The following SFSWAP variants were observed in gnomAD, a reference collection of about 807,000 sequenced individuals.
The protein encoded by SFSWAP is splicing factor, suppressor of white-apricot homolog.
Under a neutral mutation model 100.7 loss-of-function variants are expected in SFSWAP, and 17 were observed. The observed-to-expected ratio is 0.17, with a 90% confidence interval of 0.12 to 0.25. The LOEUF (loss-of-function observed/expected upper bound fraction) is 0.25. Among genes scored for constraint, SFSWAP ranks in the 10% least tolerant of loss-of-function variants. The pLI is 1.00. For synonymous variants in SFSWAP, 504 were observed against 510.1 expected (o/e 0.99, Z 0.16); for missense variants, 1,005 against 1,262.6 (o/e 0.80, Z 3.09).
chr12:131,738,464 A>C (rs907746346), intron 7 of SFSWAP, among the ~76,000 whole-genome samples: 1 of 152,230 alleles, frequency 6.6e-6, no homozygotes, highest in Non-Finnish European at 1.5e-5. Flanking sequence ...AAAATGTTGG[A>C]TGTGTCTCTA....
rs1211214584 is a variant in SFSWAP, at chr12:131,714,683, T to G, written c.389-139T>G. 4.0e-6 allele frequency: 3 copies of G among 746,340 alleles called. No individual in the cohort carries two copies. The highest frequency in any genetic ancestry group is 6.4e-6 in the Non-Finnish European group (3 of 465,130). 46.2% of individuals were successfully genotyped at this position (746,340 alleles called of 1,614,324 possible). A position where few individuals can be genotyped will look rare whatever the true frequency, so the allele number is the denominator to read the frequency against. ...ATAATGATAGATATAAAGTGTGAAT[T>G]TTTAAAACTATTTTACCTCAAAAGT... On this transcript the variant is annotated intron_variant, in intron 2 of 17. Transcript: ENST00000261674. This position sits in a 1 kb window ranked among gnomAD's most constrained non-coding sequence, Gnocchi z 6.0.
chr12:131,780,407 T>C (rs935756335), intron 14 of SFSWAP, among the ~76,000 whole-genome samples: 1 of 152,218 alleles, frequency 6.6e-6, no homozygotes, highest in Non-Finnish European at 1.5e-5. Context: ...TTCCAGTGCT[T>C]TGGGAAGCCA....
chr12:131,711,123 T>G lies in SFSWAP; in HGVS notation c.-107T>G. On this transcript the variant is annotated 5_prime_UTR_variant, in exon 1 of 18. Transcript: ENST00000261674. This position sits in a 1 kb window ranked among gnomAD's most constrained non-coding sequence, Gnocchi z 4.9. ...GCCCGCTATGGCGGCGGTGTTGAGG[T>G]TGGGTACGGGATGCGGGGTCTTTGA... The G allele has an allele frequency of 1.1e-6, 1 of 883,206 alleles. No homozygotes were observed. Among genetic ancestry groups the G allele is most frequent in the Non-Finnish European group, 1.7e-6 (1 of 596,618 alleles). The allele number at this position is 883,206 out of a possible 1,614,324, so 54.7% of individuals were successfully genotyped here.
At position 131,730,466 on chromosome 12, in the gene SFSWAP, C is replaced by A. The variant is rs543272606; in HGVS notation, c.1081+2038C>A. On this transcript the variant is annotated intron_variant, in intron 7 of 17. Transcript: ENST00000261674. The surrounding 1 kb of genome is among the most constrained non-coding windows in gnomAD (Gnocchi z 4.0). ...GGTGGAAGAACAGCCATGTGCAGAC[C>A]CCGCAGGACCAGGCAGGATGGTGGA... Among the ~76,000 whole-genome samples, 1 of 152,190 alleles carries A rather than the reference C, an allele frequency of 6.6e-6. No individual in the cohort carries two copies. The highest frequency in any genetic ancestry group is 1.5e-5 in the Non-Finnish European group (1 of 68,038).
At chr12:131,731,650 T>A (rs1879518780) in intron 7 of SFSWAP, among the ~76,000 whole-genome samples, 1 of 152,306 alleles carries the variant, frequency 6.6e-6, no homozygotes, top group African/African-American at 2.4e-5. Context: ...GAGGGAACAC[T>A]GGTCATAGTT....
At chr12:131,738,136 A>G (rs1184279116) in intron 7 of SFSWAP, among the ~76,000 whole-genome samples, 2 of 152,170 alleles carry the variant, frequency 1.3e-5, no homozygotes, top group African/African-American at 4.8e-5. Flanking sequence ...GCGCATGGCT[A>G]CTATAGATAT....
chr12:131,757,395 C>A (rs1882272910), intron 11 of SFSWAP: 1 of 152,446 alleles, frequency 6.6e-6, no homozygotes, highest in Non-Finnish European at 1.5e-5. Flanking sequence ...CCAGCTTGCC[C>A]CGGTGCACCC....
Position 131,728,403 on chromosome 12 carries a change from C to G in SFSWAP, c.1056C>G (p.Pro352=). 6.2e-7 allele frequency: 1 copy of G among 1,614,262 alleles called. No homozygotes were observed. The highest frequency in any genetic ancestry group is 1.7e-4 in the Middle Eastern group (1 of 6,060). The part of the protein sequence containing the change: ...PHNADGAPVQ[P]SQVEYTADST... ...ACGCAGACGGTGCGCCTGTGCAGCC[C>G]TCCCAGGTGGAGTACACGGCAGACT... is the stretch of plus-strand genomic sequence containing the variant. The change falls in exon 7 of 18, where the codon CCC becomes CCG. Residue 352 remains proline (P), a synonymous_variant. Coordinates refer to ENST00000261674, the MANE Select transcript of SFSWAP (RefSeq NM_004592.4).
rs66608201 is a variant in SFSWAP at position 131,781,234 on chromosome 12, ATTT to A, written c.2408+2925_2408+2927del. On this transcript the variant is annotated intron_variant, in intron 14 of 17. Coordinates refer to ENST00000261674, the MANE Select transcript of SFSWAP (RefSeq NM_004592.4). Reference sequence around the variant, plus strand: ...TTCACATATGCAAATATATCTTATTATTTTTTTTTTTTTTTTTTTTTTTGAGAC... The same window carrying A: ...TTCACATATGCAAATATATCTTATTATTTTTTTTTTTTTTTTTTTTGAGAC... Among the ~76,000 whole-genome samples the A allele has an allele frequency of 2.5e-4, 26 of 102,288 alleles. No homozygotes were observed. The East Asian group carries it at 2.9e-3, about 11-fold the overall frequency. The allele number at this position is 102,288 out of a possible 152,430, so 67.1% of individuals were successfully genotyped here.
intron 13 of SFSWAP, among the ~76,000 whole-genome samples, chr12:131,773,518 A>G (rs1214947102): frequency 6.6e-6 from 1 of 151,920 alleles, no homozygotes; most frequent in Non-Finnish European, 1.5e-5. Context: ...ATTTTTTTGT[A>G]TTTTTGGTAG....
chr12:131,776,601 G>A (rs996514939), intron 13 of SFSWAP, among the ~76,000 whole-genome samples: 2 of 152,226 alleles, frequency 1.3e-5, no homozygotes, highest in African/African-American at 4.8e-5. Context: ...GAGGAAAGAA[G>A]GGAGGGAAGC....
chr12:131,747,290 G>A (rs1456622793), intron 7 of SFSWAP, among the ~76,000 whole-genome samples: 5 of 152,180 alleles, frequency 3.3e-5, no homozygotes, highest in Admixed American at 6.5e-5. Context: ...GACTAAGAGC[G>A]ATGGAGAAAG....
Position 131,711,317 on chromosome 12 carries a change from G to A in SFSWAP, c.88G>A (p.Gly30Ser). 2 of 1,613,634 alleles carry A rather than the reference G, an allele frequency of 1.2e-6. No homozygotes were observed. The highest frequency in any genetic ancestry group is 1.7e-6 in the Non-Finnish European group (2 of 1,179,854). The change falls in exon 1 of 18, where the codon GGC becomes AGC. Residue 30 changes from glycine to serine, a missense_variant. Physicochemically the swap from Gly to Ser is moderately conservative, Grantham distance 56. Transcript: ENST00000261674. The surrounding 1 kb of genome is among the most constrained non-coding windows in gnomAD (Gnocchi z 4.9). ...CGGGCCAGGCGGTGCCGGCGGTGGGGGCAGCCGAGTGGAGCTCTTGGTTTT... is the reference window on the plus strand; with the variant it reads ...CGGGCCAGGCGGTGCCGGCGGTGGGAGCAGCCGAGTGGAGCTCTTGGTTTT... The part of the protein sequence containing the change: ...EAGPGGAGGG[G>S]SRVELLVFGY...
Position 131,799,041 on chromosome 12 carries a change from G to A in SFSWAP, c.2722G>A (p.Val908Ile), listed in dbSNP as rs117664858. Residue 908 changes from valine (V) to isoleucine (I), a missense_variant, in exon 17 of 18, where the codon GTC becomes ATC. Val to Ile is a conservative substitution (Grantham distance 29). Coordinates refer to ENST00000261674, the MANE Select transcript of SFSWAP (RefSeq NM_004592.4). The stretch of plus-strand genomic sequence containing the variant: ...CTCTCTCTCTCTCTGCATTAGGGGA[G>A]TCTCTCAGGAAAAAGAAGCCCAGAT... ...RGSSQERSRG[V>I]SQEKEAQISS... The A allele has an allele frequency of 8.9e-5, 144 of 1,612,846 alleles. 1 individual carries two copies. In the East Asian group the frequency reaches 3.0e-3, roughly 33 times the overall value.
chr12:131,712,623 C>T (rs1877481998), intron 1 of SFSWAP: 1 of 152,156 alleles, frequency 6.6e-6, no homozygotes, highest in Non-Finnish European at 1.5e-5. Context: ...AGGCCTTTTT[C>T]CATCCCTGAC....
Position 131,711,512 on chromosome 12 carries a change from G to C in SFSWAP, c.218+65G>C. ...CACCCGCTTGATCTCGTCTGATGTT[G>C]ACTTGACTGCAAGGACTGCAGAGAG... On this transcript the variant is annotated intron_variant, in intron 1 of 17. Transcript: ENST00000261674. The surrounding 1 kb of genome is among the most constrained non-coding windows in gnomAD (Gnocchi z 4.9). The C allele has an allele frequency of 7.3e-7, 1 of 1,364,836 alleles. No homozygotes were observed. Among genetic ancestry groups the C allele is most frequent in the Non-Finnish European group, 1.0e-6 (1 of 966,182 alleles). 84.5% of individuals were successfully genotyped at this position (1,364,836 alleles called of 1,614,324 possible). A position where few individuals can be genotyped will look rare whatever the true frequency, so the allele number is the denominator to read the frequency against.
chr12:131,771,043 T>C (rs1883551464), intron 13 of SFSWAP, among the ~76,000 whole-genome samples: 1 of 152,210 alleles, frequency 6.6e-6, no homozygotes. Flanking sequence ...TGAATGGTGC[T>C]CGGTCGTGTG....
intron 4 of SFSWAP, among the ~76,000 whole-genome samples, chr12:131,722,491 A>G (rs1878567855): frequency 6.6e-6 from 1 of 152,156 alleles, no homozygotes; most frequent in African/African-American, 2.4e-5. Flanking sequence ...GCTTGCTCGA[A>G]CACATTTTAT....
At chr12:131,717,534 C>T (rs1878041976) in intron 3 of SFSWAP, among the ~76,000 whole-genome samples, 1 of 152,010 alleles carries the variant, frequency 6.6e-6, no homozygotes, top group African/African-American at 2.4e-5. Context: ...GCTACTAAAG[C>T]TGTTTTTTTG....
Sources: gnomAD v4.1 joint callset for allele counts (sites outside exome capture counted in the v4.1 genomes callset) on GRCh38, gnomAD v4.1.1 for gene constraint, Gnocchi (gnomAD v3.1) non-coding constraint, MANE v1.5 for transcripts, NCBI Gene and HGNC (gene_info 2026-07-23, HGNC 2026-07-21) for gene names.